Variants in ZFP91 observed in about 807,000 individuals in gnomAD.
The protein encoded by ZFP91 is ZFP91 zinc finger protein, atypical E3 ubiquitin ligase.
Under a neutral mutation model 63.5 loss-of-function variants are expected in ZFP91, and 7 were observed. That is an observed-to-expected ratio of 0.11 (90% confidence interval 0.06 to 0.21). ZFP91 has a LOEUF of 0.21. ZFP91 is among the 10% of genes least tolerant of loss of function. The pLI is 1.00. For synonymous variants in ZFP91, 330 were observed against 272.1 expected (o/e 1.21, Z -2.10); for missense variants, 628 against 736.6 (o/e 0.85, Z 1.71).
At chr11:58,595,259 A>C (rs1252242186) in intron 2 of ZFP91, among the ~76,000 whole-genome samples, 1 of 152,208 alleles carries the variant, frequency 6.6e-6, no homozygotes. Context: ...TTAATACTTA[A>C]GATTTGTTAA....
intron 2 of ZFP91, among the ~76,000 whole-genome samples, chr11:58,595,368 C>A (rs1855379535): frequency 6.6e-6 from 1 of 152,102 alleles, no homozygotes; most frequent in Non-Finnish European, 1.5e-5. Flanking sequence ...TTTCACCCTA[C>A]AATAAAATAA....
At chr11:58,585,517 G>A (rs1227041628) in intron 2 of ZFP91, among the ~76,000 whole-genome samples, 1 of 152,044 alleles carries the variant, frequency 6.6e-6, no homozygotes, top group African/African-American at 2.4e-5. Context: ...TGTGTTCCTT[G>A]ATGTTAAATT....
At chr11:58,616,892 T>C in intron 10 of ZFP91, 77 bp downstream of exon 10, 2 of 1,353,534 alleles carry the variant, frequency 1.5e-6, no homozygotes, top group Admixed American at 1.8e-5. Flanking sequence ...TTTACAAACA[T>C]ATTAGTTGCC....
At chr11:58,616,029 G>A (rs559033147) in intron 9 of ZFP91, among the ~76,000 whole-genome samples, 62 of 152,312 alleles carry the variant, frequency 4.1e-4, no homozygotes, top group African/African-American at 1.4e-3. Flanking sequence ...ATTCCACACC[G>A]TGTTACCACA....
chr11:58,580,130 C>G (rs892705357), intron 1 of ZFP91, among the ~76,000 whole-genome samples: 1 of 150,490 alleles, frequency 6.6e-6, no homozygotes. Flanking sequence ...TTTTCGCAAC[C>G]CTTCTCATTC....
rs7127656 is a variant in ZFP91, at chr11:58,615,445, A to G, written c.1102+1102A>G. On this transcript the variant is annotated intron_variant, in intron 9 of 10. Transcript: ENST00000316059. ...TCAAAAGCGTATGAAAAACTTTTAT[A>G]AATTCAGTCCATTTCAAATATTTAT... Among the ~76,000 whole-genome samples, 241 of 152,348 alleles carry G rather than the reference A, an allele frequency of 1.6e-3. 1 individual carries two copies. The highest frequency in any genetic ancestry group is 5.5e-3 in the African/African-American group (230 of 41,584).
In ZFP91 at chr11:58,579,199, G is replaced by C; in HGVS notation, c.-83G>C. 1.7e-6 allele frequency: 2 copies of C among 1,202,898 alleles called. No homozygotes were observed. The highest frequency in any genetic ancestry group is 2.2e-6 in the Non-Finnish European group (2 of 924,982). 74.5% of individuals were successfully genotyped at this position (1,202,898 alleles called of 1,614,324 possible). A position where few individuals can be genotyped will look rare whatever the true frequency, so the allele number is the denominator to read the frequency against. ...GAGTGAGCCGCAGGCTTCGGGAGGC[G>C]AGGGGGCGGGGGGAGCAGCGCCGAG... On this transcript the variant is annotated 5_prime_UTR_variant, in exon 1 of 11. Coordinates refer to ENST00000316059, the MANE Select transcript of ZFP91 (RefSeq NM_053023.5).
Position 58,618,588 on chromosome 11 carries a change from TGG to T in ZFP91, c.*883_*884del. 1 of 414,356 alleles carries T rather than the reference TGG, an allele frequency of 2.4e-6. No homozygotes were observed. The highest frequency in any genetic ancestry group is 1.7e-5 in the South Asian group (1 of 57,604). The allele number at this position is 414,356 out of a possible 1,614,324, so 25.7% of individuals were successfully genotyped here. A position where few individuals can be genotyped will look rare whatever the true frequency, so the allele number is the denominator to read the frequency against. Reference sequence around the variant, plus strand: ...AACAGGAAGTCTGATTTTTTTTTTTTGGAGTCTTTGTTGCTATATTTTGTGGG... The same window carrying T: ...AACAGGAAGTCTGATTTTTTTTTTTTAGTCTTTGTTGCTATATTTTGTGGG... On this transcript the variant is annotated 3_prime_UTR_variant, in exon 11 of 11. Coordinates refer to ENST00000316059, the MANE Select transcript of ZFP91 (RefSeq NM_053023.5).
intron 8 of ZFP91, among the ~76,000 whole-genome samples, chr11:58,613,835 GC>G (rs1205086528): frequency 6.6e-6 from 1 of 152,074 alleles, no homozygotes; most frequent in African/African-American, 2.4e-5. Context: ...TGACACGAAG[GC>G]CTTCTTCTGG....
intron 2 of ZFP91, among the ~76,000 whole-genome samples, chr11:58,598,749 CGTGTGTGTGTGTGTGT>C (rs56110499): frequency 5.8e-5 from 7 of 120,904 alleles, no homozygotes; most frequent in South Asian, 5.7e-4. Flanking sequence ...CTTTTGTGCA[CGTGTGTGTGTGTGTGT>C]GTGTGTGTGT....
intron 2 of ZFP91, among the ~76,000 whole-genome samples, chr11:58,607,930 TCC>T (rs1855595160): frequency 6.6e-6 from 1 of 152,008 alleles, no homozygotes; most frequent in African/African-American, 2.4e-5. Flanking sequence ...ACAGTTAACC[TCC>T]ATGTGGTAGT....
chr11:58,588,684 TA>T (rs887208581), intron 2 of ZFP91, among the ~76,000 whole-genome samples: 1 of 152,204 alleles, frequency 6.6e-6, no homozygotes, highest in African/African-American at 2.4e-5. Context: ...TGACTGTTTT[TA>T]CTTCCTTTAC....
intron 9 of ZFP91, among the ~76,000 whole-genome samples, chr11:58,615,892 A>C (rs1458936303): frequency 6.6e-6 from 1 of 152,250 alleles, no homozygotes; most frequent in African/African-American, 2.4e-5. Context: ...AATTTGAAGC[A>C]AAAGGAGTAG....
intron 2 of ZFP91, among the ~76,000 whole-genome samples, chr11:58,604,675 G>GA (rs1855542575): frequency 6.6e-6 from 1 of 152,194 alleles, no homozygotes; most frequent in Non-Finnish European, 1.5e-5. Context: ...ATGCGGCTCA[G>GA]AACGGCTTTG....
At chr11:58,615,335 C>T (rs1490337223) in intron 9 of ZFP91, among the ~76,000 whole-genome samples, 1 of 152,168 alleles carries the variant, frequency 6.6e-6, no homozygotes, top group African/African-American at 2.4e-5. Flanking sequence ...TGCAATTTCT[C>T]TGTTCCTTCT....
intron 3 of ZFP91, 62 bp downstream of exon 3, chr11:58,610,101 G>A: frequency 3.2e-6 from 5 of 1,561,016 alleles, no homozygotes; most frequent in Non-Finnish European, 4.4e-6. Context: ...TAAATGTAAT[G>A]TTGAACATTT....
At position 58,618,960 on chromosome 11, in the gene ZFP91, T is replaced by A; in HGVS notation, c.*1254T>A. 4.2e-6 allele frequency: 1 copy of A among 237,704 alleles called. No homozygotes were observed. The highest frequency in any genetic ancestry group is 8.3e-6 in the Non-Finnish European group (1 of 119,846). 14.7% of individuals were successfully genotyped at this position (237,704 alleles called of 1,614,324 possible). The stretch of plus-strand genomic sequence containing the variant: ...TGTGAATTTGTTTCTTTTCCTTTTT[T>A]TTTGTCCCTACCATTTCCTTACATT... On this transcript the variant is annotated 3_prime_UTR_variant, in exon 11 of 11. Transcript: ENST00000316059.
chr11:58,601,793 A>T (rs561926342), intron 2 of ZFP91, among the ~76,000 whole-genome samples: 30 of 151,904 alleles, frequency 2.0e-4, no homozygotes, highest in Non-Finnish European at 3.8e-4. Context: ...GTTAATTTTC[A>T]TGTATTTGTG....
intron 2 of ZFP91, among the ~76,000 whole-genome samples, chr11:58,589,072 T>A (rs530195708): frequency 1.3e-5 from 2 of 152,002 alleles, no homozygotes; most frequent in East Asian, 3.9e-4. Flanking sequence ...GCTTTTAAGG[T>A]TTTTTTTGTT....
Sources: allele counts gnomAD v4.1 joint callset (sites outside exome capture counted in the v4.1 genomes callset), GRCh38; gene constraint gnomAD v4.1.1; transcripts MANE v1.5; gene names NCBI Gene and HGNC (gene_info 2026-07-23, HGNC 2026-07-21).